The following ACSM3 variants were observed in gnomAD, a reference collection of about 807,000 sequenced individuals.
ACSM3 encodes acyl-CoA synthetase medium chain family member 3.
ACSM3 carries 61 observed loss-of-function variants against 74.1 expected under a neutral mutation model. That is an observed-to-expected ratio of 0.82 (90% confidence interval 0.67 to 1.02). The LOEUF (loss-of-function observed/expected upper bound fraction) is 1.02. ACSM3 is among the 50% of genes least tolerant of loss of function. The pLI is 0.00. For missense variants in ACSM3, 660 were observed against 697.0 expected, an observed-to-expected ratio of 0.95 and a Z score of 0.60; for synonymous variants, 213 against 241.5, an observed-to-expected ratio of 0.88 and a Z score of 1.09.
chr16:20,740,520 A>C (rs1213342408), intron 1 of ACSM3, among the ~76,000 whole-genome samples: 1 of 152,262 alleles, frequency 6.6e-6, no homozygotes, highest in Non-Finnish European at 1.5e-5. Flanking sequence ...ATACATTTAC[A>C]GAAACTTTAT....
intron 1 of ACSM3, chr16:20,728,631 C>G (rs1012355606): frequency 6.9e-5 from 25 of 363,336 alleles, no homozygotes; most frequent in African/African-American, 4.5e-4. Flanking sequence ...TCACCTATCA[C>G]CTGAGTACTA....
At chr16:20,679,790 A>G (rs1333880478) in intron 1 of ACSM3, 1 of 152,194 alleles carries the variant, frequency 6.6e-6, no homozygotes. Context: ...AATCAGCTAT[A>G]TGTATGTTAT....
At chr16:20,732,494 C>T (rs2079836620) in intron 1 of ACSM3, among the ~76,000 whole-genome samples, 1 of 152,032 alleles carries the variant, frequency 6.6e-6, no homozygotes, top group Non-Finnish European at 1.5e-5. Flanking sequence ...GGGCAGAAAA[C>T]TGTATATATT....
chr16:20,742,806 TATATATA>T (rs1327822674), intron 1 of ACSM3, among the ~76,000 whole-genome samples: 164 of 57,268 alleles, frequency 2.9e-3, no homozygotes, highest in Middle Eastern at 0.014. Flanking sequence ...TATATATATA[TATATATA>T]TTTTTTTTTT....
intron 1 of ACSM3, among the ~76,000 whole-genome samples, chr16:20,700,083 T>C (rs2079709096): frequency 6.6e-6 from 1 of 152,176 alleles, no homozygotes; most frequent in Non-Finnish European, 1.5e-5. Context: ...TATATGGAGA[T>C]AGTGACATCG....
upstream of ACSM3, among the ~76,000 whole-genome samples, chr16:20,761,321 A>T (rs2080075002): frequency 6.6e-6 from 1 of 152,350 alleles, no homozygotes; most frequent in Admixed American, 6.5e-5. Context: ...CCTTGGGCAC[A>T]TGTTCTCAGG....
intron 1 of ACSM3, chr16:20,736,874 G>A: frequency 6.2e-7 from 1 of 1,611,772 alleles, no homozygotes; most frequent in South Asian, 1.1e-5. Context: ...AACACCAAAT[G>A]ACTTCCTATG....
chr16:20,753,371 C>T (rs1427512703), intron 2 of ACSM3, among the ~76,000 whole-genome samples: 1 of 146,554 alleles, frequency 6.8e-6, no homozygotes, highest in Non-Finnish European at 1.5e-5. Context: ...GGCTAAGGCA[C>T]AGAAATTGCT....
chr16:20,780,520 G>A, intron 4 of ACSM3, 194 bp from the exon 5 acceptor site: 1 of 1,140,200 alleles, frequency 8.8e-7, no homozygotes, highest in East Asian at 2.5e-5. Context: ...TGATGACAAA[G>A]TTTAGTTTTG....
At chr16:20,713,558 C>A (rs1009333734) in intron 1 of ACSM3, among the ~76,000 whole-genome samples, 1 of 152,138 alleles carries the variant, frequency 6.6e-6, no homozygotes. Flanking sequence ...CTAGAAAACA[C>A]AAAACACATA....
At chr16:20,682,986 C>A (rs986812169) in intron 1 of ACSM3, among the ~76,000 whole-genome samples, 1 of 152,148 alleles carries the variant, frequency 6.6e-6, no homozygotes. Flanking sequence ...TGAGCTCAAG[C>A]CTTTGTGTTT....
chr16:20,796,307 A>G, intron 12 of ACSM3, 63 bp from the exon 13 acceptor site: 1 of 1,576,858 alleles, frequency 6.3e-7, no homozygotes, highest in Non-Finnish European at 8.6e-7. Flanking sequence ...GCAAGCAAAC[A>G]AGACATACTA....
chr16:20,714,563 T>C (rs1596483457), intron 1 of ACSM3, among the ~76,000 whole-genome samples: 1 of 152,024 alleles, frequency 6.6e-6, no homozygotes, highest in Non-Finnish European at 1.5e-5. Flanking sequence ...ATGAATAGGA[T>C]GGAGGGAAAG....
At chr16:20,786,256 G>A in intron 9 of ACSM3, 98 bp downstream of exon 9, 3 of 1,482,400 alleles carry the variant, frequency 2.0e-6, no homozygotes, top group Non-Finnish European at 2.7e-6. Flanking sequence ...TTATGATGGT[G>A]ATTCCATTTT....
intron 3 of ACSM3, among the ~76,000 whole-genome samples, chr16:20,756,601 G>A (rs975911422): frequency 2.0e-5 from 3 of 152,120 alleles, no homozygotes; most frequent in Admixed American, 2.0e-4. Context: ...TCACTCTGAT[G>A]GTAGTTTCTT....
intron 2 of ACSM3, among the ~76,000 whole-genome samples, chr16:20,753,027 T>G (rs1201797529): frequency 6.6e-6 from 1 of 152,118 alleles, no homozygotes; most frequent in Non-Finnish European, 1.5e-5. Context: ...TGCCGTATGT[T>G]CTACAATGAA....
At chr16:20,742,814 T>TATATATATA (rs1555483507) in intron 1 of ACSM3, among the ~76,000 whole-genome samples, 260 of 51,740 alleles carry the variant, frequency 5.0e-3, no homozygotes, top group South Asian at 8.3e-3. Context: ...TATATATATA[T>TATATATATA]TTTTTTTTTT....
chr16:20,747,029 G>A (rs2152429666), intron 1 of ACSM3, among the ~76,000 whole-genome samples: 1 of 151,958 alleles, frequency 6.6e-6, no homozygotes. Flanking sequence ...TTGAGATTTG[G>A]TTGAATAATC....
chr16:20,783,502 A>G lies in ACSM3; in HGVS notation c.1020-1482A>G, dbSNP rs1355723336. On this transcript the variant is annotated intron_variant, in intron 7 of 13. Coordinates refer to ENST00000289416, the MANE Select transcript of ACSM3 (RefSeq NM_005622.4). ...TTGAGCATCATGTTGGTACTAAAAA[A>G]GTTTCAGATTTTGGAGCACTTTGGA... The G allele has an allele frequency of 2.0e-5, 3 of 152,186 alleles. No individual in the cohort carries two copies. In the East Asian group the frequency reaches 5.8e-4, roughly 29 times the overall value. 9.4% of individuals were successfully genotyped at this position (152,186 alleles called of 1,614,324 possible). A position where few individuals can be genotyped will look rare whatever the true frequency, so the allele number is the denominator to read the frequency against.
Sources: gnomAD v4.1 joint callset for allele counts (sites outside exome capture counted in the v4.1 genomes callset) on GRCh38, gnomAD v4.1.1 for gene constraint, MANE v1.5 for transcripts, NCBI Gene and HGNC (gene_info 2026-07-23, HGNC 2026-07-21) for gene names.